CHRM3: variants seen among roughly 807,000 people sequenced by gnomAD.
The protein encoded by CHRM3 is cholinergic receptor muscarinic 3.
CHRM3 carries 11 observed loss-of-function variants against 41.8 expected under a neutral mutation model. The observed-to-expected ratio is 0.26, with a 90% CI of 0.17 to 0.44. The LOEUF (loss-of-function observed/expected upper bound fraction) is 0.44, where lower values mean the gene tolerates loss of function less well. CHRM3 is among the 20% of genes least tolerant of loss of function. CHRM3 has a pLI of 1.00. For synonymous variants in CHRM3, 297 were observed against 301.4 expected, an observed-to-expected ratio of 0.99 and a Z score of 0.15; for missense variants, 571 against 745.4, an observed-to-expected ratio of 0.77 and a Z score of 2.72.
intron 2 of CHRM3, among the ~76,000 whole-genome samples, chr1:239,498,644 C>A (rs891814942): frequency 6.6e-6 from 1 of 152,110 alleles, no homozygotes; most frequent in Non-Finnish European, 1.5e-5. Flanking sequence ...ATAAATTGTT[C>A]ATCAGTGCTG....
At chr1:239,603,819 C>T (rs188421834) in intron 3 of CHRM3, among the ~76,000 whole-genome samples, 4 of 152,128 alleles carry the variant, frequency 2.6e-5, no homozygotes, top group African/African-American at 9.6e-5. Context: ...ATTAGTCTTG[C>T]ATTAAGTTCT....
chr1:239,800,930 C>T (rs1670164364), intron 5 of CHRM3, among the ~76,000 whole-genome samples: 1 of 151,888 alleles, frequency 6.6e-6, no homozygotes, highest in Admixed American at 6.6e-5. Context: ...TTGAGGTTTC[C>T]CCTTTCAAGT....
intron 3 of CHRM3, among the ~76,000 whole-genome samples, chr1:239,587,884 G>A (rs144568985): frequency 6.6e-6 from 1 of 152,068 alleles, no homozygotes; most frequent in East Asian, 1.9e-4. Context: ...AACCAATCTG[G>A]TTTTCTCACA....
chr1:239,504,098 CT>C (rs1484900006), intron 2 of CHRM3, among the ~76,000 whole-genome samples: 1 of 152,034 alleles, frequency 6.6e-6, no homozygotes, highest in Non-Finnish European at 1.5e-5. Context: ...ACAGCAAAAG[CT>C]TTGTCAGCAG....
At chr1:239,550,443 A>G (rs1276773303) in intron 3 of CHRM3, among the ~76,000 whole-genome samples, 1 of 152,190 alleles carries the variant, frequency 6.6e-6, no homozygotes, top group Admixed American at 6.5e-5. Flanking sequence ...CTGGGTCCAG[A>G]ACTCAACCAA....
At chr1:239,587,286 G>A (rs1368562834) in intron 3 of CHRM3, among the ~76,000 whole-genome samples, 3 of 152,132 alleles carry the variant, frequency 2.0e-5, no homozygotes, top group Non-Finnish European at 2.9e-5. Flanking sequence ...TCCCATTGAA[G>A]GGACCAACTC....
At chr1:239,641,285 T>C (rs1358816199) in intron 4 of CHRM3, among the ~76,000 whole-genome samples, 1 of 151,896 alleles carries the variant, frequency 6.6e-6, no homozygotes, top group Non-Finnish European at 1.5e-5. Flanking sequence ...TTAGGTCCGC[T>C]TGGTGCAGAG....
chr1:239,655,461 T>A (rs1192906687), intron 4 of CHRM3, among the ~76,000 whole-genome samples: 2 of 152,236 alleles, frequency 1.3e-5, no homozygotes, highest in Non-Finnish European at 2.9e-5. Flanking sequence ...GAATGGGAGA[T>A]AATCTTACTT....
chr1:239,428,628 C>CT, intron 1 of CHRM3, among the ~76,000 whole-genome samples: 1 of 152,150 alleles, frequency 6.6e-6, no homozygotes, highest in East Asian at 1.9e-4. Context: ...AAAATTTTTT[C>CT]ATCGTGTACT....
intron 1 of CHRM3, among the ~76,000 whole-genome samples, chr1:239,413,713 A>G (rs747435760): frequency 1.3e-5 from 2 of 152,216 alleles, no homozygotes; most frequent in African/African-American, 4.8e-5. Flanking sequence ...TATTTAGTTA[A>G]TTAATTAAAT....
chr1:239,884,936 A>G (rs1332170220), intron 6 of CHRM3, among the ~76,000 whole-genome samples: 1 of 152,200 alleles, frequency 6.6e-6, no homozygotes, highest in Admixed American at 6.5e-5. Context: ...GATGCCTTAC[A>G]GATGGACGAC....
intron 3 of CHRM3, among the ~76,000 whole-genome samples, chr1:239,606,978 C>G (rs996627708): frequency 6.6e-6 from 1 of 152,158 alleles, no homozygotes; most frequent in East Asian, 1.9e-4. Context: ...GCTTCTTACT[C>G]TTACCCCTGT....
At chr1:239,734,610 G>T (rs1008876278) in intron 5 of CHRM3, among the ~76,000 whole-genome samples, 8 of 152,022 alleles carry the variant, frequency 5.3e-5, no homozygotes, top group African/African-American at 1.9e-4. Context: ...CCTTTTTGAA[G>T]AAGTCCAGTG....
intron 2 of CHRM3, among the ~76,000 whole-genome samples, chr1:239,534,048 C>T (rs1657951581): frequency 6.6e-6 from 1 of 152,192 alleles, no homozygotes; most frequent in South Asian, 2.1e-4. Context: ...CGTTTTAGGG[C>T]TGGGTGCAGT....
chr1:239,861,096 C>T (rs1675601958), intron 6 of CHRM3, among the ~76,000 whole-genome samples: 1 of 152,106 alleles, frequency 6.6e-6, no homozygotes. Context: ...CTATTATTAA[C>T]ATTCAATTAT....
chr1:239,756,220 C>T (rs1666230946), intron 5 of CHRM3, among the ~76,000 whole-genome samples: 1 of 152,134 alleles, frequency 6.6e-6, no homozygotes, highest in Non-Finnish European at 1.5e-5. Context: ...CTCAATCTCA[C>T]TATAACGTAC....
intron 6 of CHRM3, among the ~76,000 whole-genome samples, chr1:239,897,654 G>GT (rs1679121429): frequency 1.3e-5 from 2 of 152,220 alleles, no homozygotes; most frequent in African/African-American, 4.8e-5. Flanking sequence ...TCAGAAAAGA[G>GT]TAACTTCAGC....
chr1:239,515,163 G>T (rs1417805847), intron 2 of CHRM3, among the ~76,000 whole-genome samples: 1 of 151,564 alleles, frequency 6.6e-6, no homozygotes, highest in Admixed American at 6.6e-5. Flanking sequence ...GGCCTGTTTG[G>T]TTAGTATATA....
At chr1:239,497,754 G>T (rs1439129167) in intron 2 of CHRM3, among the ~76,000 whole-genome samples, 4 of 152,214 alleles carry the variant, frequency 2.6e-5, no homozygotes, top group African/African-American at 7.2e-5. Context: ...ATCAGAAGGA[G>T]AAACTGAGTA....
Sources: allele counts gnomAD v4.1 joint callset (sites outside exome capture counted in the v4.1 genomes callset), GRCh38; gene constraint gnomAD v4.1.1; transcripts MANE v1.5; gene names NCBI Gene and HGNC (gene_info 2026-07-23, HGNC 2026-07-21).